INVS: variants seen among roughly 807,000 people sequenced by gnomAD.
INVS encodes the protein inversin.
INVS carries 86 observed loss-of-function variants against 108.8 expected under a neutral mutation model. That is an observed-to-expected ratio of 0.79 (90% CI 0.66 to 0.95). The LOEUF (loss-of-function observed/expected upper bound fraction) is 0.95, where lower values mean the gene tolerates loss of function less well. INVS is among the 40% of genes least tolerant of loss of function. The probability of loss-of-function intolerance (pLI) is 0.00; values close to 1 mark genes in which losing one functional copy is unlikely to be tolerated. For missense variants in INVS, 1,169 were observed against 1,297.4 expected, an observed-to-expected ratio of 0.90 and a Z score of 1.52; for synonymous variants, 455 against 473.5, an observed-to-expected ratio of 0.96 and a Z score of 0.51.
chr9:100,176,523 C>T (rs1829715737), intron 3 of INVS, among the ~76,000 whole-genome samples: 1 of 152,046 alleles, frequency 6.6e-6, no homozygotes, highest in Non-Finnish European at 1.5e-5. Flanking sequence ...GCTGCCTGGG[C>T]TAGAGTGCAG....
chr9:100,117,602 G>GGGC, intron 2 of INVS: 1 of 672,474 alleles, frequency 1.5e-6, no homozygotes, highest in Non-Finnish European at 2.5e-6. Context: ...AGGGCCTCCG[G>GGGC]CCCCCCGCCC....
chr9:100,189,845 C>G (rs536601187), intron 3 of INVS, among the ~76,000 whole-genome samples: 2 of 152,072 alleles, frequency 1.3e-5, no homozygotes, highest in Non-Finnish European at 1.5e-5. Flanking sequence ...CTGCCTCACC[C>G]TCCCAAAGTG....
chr9:100,260,186 C>CTTTTTTTTTTTTTT (rs372496395), intron 10 of INVS, among the ~76,000 whole-genome samples: 1 of 101,496 alleles, frequency 9.9e-6, no homozygotes, highest in Non-Finnish European at 2.0e-5. Flanking sequence ...ATTTTCTTTT[C>CTTTTTTTTTTTTTT]TTTTTTTTTT....
At chr9:100,250,721 C>T (rs1588122072) in intron 8 of INVS, among the ~76,000 whole-genome samples, 1 of 152,332 alleles carries the variant, frequency 6.6e-6, no homozygotes, top group East Asian at 1.9e-4. Flanking sequence ...CTGCCAAAAT[C>T]CTTACTGGTC....
In INVS at chr9:100,292,870, T is replaced by A; in HGVS notation, c.2613T>A (p.Phe871Leu). 1 of 1,614,162 alleles carries A rather than the reference T, an allele frequency of 6.2e-7. No homozygotes were observed. The highest frequency in any genetic ancestry group is 2.2e-5 in the East Asian group (1 of 44,864). ...AGACATCTACCCTGTCCGAGGACTT[T>A]CAGGTATCTAAGGAGACTGATCCAG... Reference protein sequence around the residue: ...RLETSTLSEDFQVSKETDPAP... With the variant: ...RLETSTLSEDLQVSKETDPAP... Residue 871 changes from phenylalanine to leucine, a missense_variant, in exon 14 of 17, where the codon TTT (phenylalanine) becomes TTA (leucine). Phe to Leu is a conservative substitution (Grantham distance 22, BLOSUM62 0). Around this residue, in one of 3 missense-constraint regions of INVS, gnomAD observed 533 missense variants for 536.0 expected, o/e 0.99. Transcript: ENST00000262457.
rs1161384502 is a variant in INVS, at chr9:100,292,313, T to C, written c.2069-13T>C. ...GCAAGTTTTGGACAATATTTTTTCT[T>C]TGTTTCCTCAAGAAACAGCCAGAGA... is the stretch of plus-strand genomic sequence containing the variant. On this transcript the variant is annotated splice_polypyrimidine_tract_variant and intron_variant, in intron 13 of 16. Transcript: ENST00000262457. 6.2e-7 allele frequency: 1 copy of C among 1,609,032 alleles called. No individual in the cohort carries two copies.
rs181310905 is a variant in INVS, at chr9:100,217,233, C to T, written c.274-8829C>T. Among the ~76,000 whole-genome samples, 13 of 152,070 alleles carry T rather than the reference C, an allele frequency of 8.5e-5. 1 individual carries two copies. Among genetic ancestry groups the T allele is most frequent in the Admixed American group, 3.9e-4 (6 of 15,280 alleles). On this transcript the variant is annotated intron_variant, in intron 3 of 16. Transcript: ENST00000262457. The stretch of plus-strand genomic sequence containing the variant: ...CTGAGGCACAAGAATTGCTTGAACC[C>T]GGGAGGCAGAGGTTGCAGTGAGCCA...
chr9:100,301,106 A>G lies in INVS; in HGVS notation c.*432A>G, dbSNP rs369948116. The G allele has an allele frequency of 4.4e-6, 1 of 229,810 alleles. No individual in the cohort carries two copies. Among genetic ancestry groups the G allele is most frequent in the Non-Finnish European group, 8.6e-6 (1 of 116,610 alleles). 14.2% of individuals were successfully genotyped at this position (229,810 alleles called of 1,614,324 possible). ...CCTGTCCCATAGCAGCCTTCCTCTCACTACTTTCCTGGCATCTAATGCAAC... is the reference window on the plus strand; with the variant it reads ...CCTGTCCCATAGCAGCCTTCCTCTCGCTACTTTCCTGGCATCTAATGCAAC... On this transcript the variant is annotated 3_prime_UTR_variant, in exon 17 of 17. Coordinates refer to ENST00000262457, the MANE Select transcript of INVS (RefSeq NM_014425.5).
chr9:100,113,637 G>A (rs937819336), intron 2 of INVS, among the ~76,000 whole-genome samples: 1 of 151,860 alleles, frequency 6.6e-6, no homozygotes, highest in African/African-American at 2.4e-5. Context: ...TTATGGGGGT[G>A]GAGTGTGATG....
intron 5 of INVS, among the ~76,000 whole-genome samples, chr9:100,236,043 C>G (rs1831678530): frequency 6.6e-6 from 1 of 152,090 alleles, no homozygotes. Context: ...TTCTTGGAGG[C>G]TTTGTTCATT....
rs183807020 is a variant in INVS, at chr9:100,108,115, T to C, written c.106+3488T>C. ...TTCATTAATGCTTTAATTAAAAATA[T>C]AACCTTCAAAGAAAAAAGTGCAGTA... On this transcript the variant is annotated intron_variant, in intron 2 of 16. Coordinates refer to ENST00000262457, the MANE Select transcript of INVS (RefSeq NM_014425.5). 8.6e-4 allele frequency among the ~76,000 whole-genome samples: 131 copies of C among 152,256 alleles called. 1 individual carries two copies. The highest frequency in any genetic ancestry group is 2.1e-3 in the East Asian group (11 of 5,190).
At chr9:100,298,241 A>AG in intron 16 of INVS, 1 of 1,421,666 alleles carries the variant, frequency 7.0e-7, no homozygotes, top group Non-Finnish European at 9.2e-7. Flanking sequence ...AATAAATGGT[A>AG]GCTATTATTG....
At chr9:100,251,631 A>G (rs768515875) in intron 8 of INVS, among the ~76,000 whole-genome samples, 5 of 152,156 alleles carry the variant, frequency 3.3e-5, no homozygotes, top group African/African-American at 1.2e-4. Context: ...TATTGGGTTC[A>G]AGCAGTCCTC....
At chr9:100,246,594 T>G in intron 7 of INVS, 22 bp from the exon 8 acceptor site, 1 of 1,593,548 alleles carries the variant, frequency 6.3e-7, no homozygotes. Flanking sequence ...GTCTCCATTT[T>G]TTAAATCAAG....
At chr9:100,101,288 T>C (rs1426528708) in intron 1 of INVS, 1 of 151,688 alleles carries the variant, frequency 6.6e-6, no homozygotes, top group East Asian at 1.9e-4. Flanking sequence ...TTATTATTTT[T>C]TGCATTTTAC....
At chr9:100,112,202 C>T (rs1359106630) in intron 2 of INVS, among the ~76,000 whole-genome samples, 1 of 152,110 alleles carries the variant, frequency 6.6e-6, no homozygotes, top group Non-Finnish European at 1.5e-5. Flanking sequence ...GAACTCCTGA[C>T]CTCAGGTGAT....
At chr9:100,110,460 A>C (rs1827307715) in intron 2 of INVS, among the ~76,000 whole-genome samples, 1 of 152,198 alleles carries the variant, frequency 6.6e-6, no homozygotes, top group African/African-American at 2.4e-5. Context: ...ACACACGTGC[A>C]CTTTCATATG....
At chr9:100,289,589 C>A (rs1354897361) in intron 13 of INVS, among the ~76,000 whole-genome samples, 1 of 152,202 alleles carries the variant, frequency 6.6e-6, no homozygotes, top group Non-Finnish European at 1.5e-5. Flanking sequence ...AAGATGTGGC[C>A]AAGATGGCCG....
chr9:100,219,412 C>T (rs1831077898), intron 3 of INVS, among the ~76,000 whole-genome samples: 1 of 152,156 alleles, frequency 6.6e-6, no homozygotes, highest in African/African-American at 2.4e-5. Context: ...TTGAGTCCAG[C>T]CTGGGCAAGC....
Sources: gnomAD v4.1 joint callset for allele counts (sites outside exome capture counted in the v4.1 genomes callset) on GRCh38, gnomAD v4.1.1 for gene constraint, gnomAD v4.1.1 regional missense constraint, MANE v1.5 for transcripts, NCBI Gene and HGNC (gene_info 2026-07-23, HGNC 2026-07-21) for gene names.